The following HIVEP3 variants were observed in gnomAD, a reference collection of about 807,000 sequenced individuals.
The protein encoded by HIVEP3 is HIVEP zinc finger 3, also known as transcription factor HIVEP3.
A neutral mutation model predicts 152.8 loss-of-function variants in HIVEP3; 49 were observed. The observed-to-expected ratio is 0.32, with a 90% CI of 0.26 to 0.41. HIVEP3 has a LOEUF of 0.41. HIVEP3 is among the 10% of genes least tolerant of loss of function. HIVEP3 has a pLI of 1.00. For missense variants in HIVEP3, 2,790 were observed against 3,103.3 expected, an observed-to-expected ratio of 0.90 and a Z score of 2.40; for synonymous variants, 1,269 against 1,289.0, an observed-to-expected ratio of 0.98 and a Z score of 0.33.
chr1:41,692,257 C>A (rs1356920041), intron 2 of HIVEP3, among the ~76,000 whole-genome samples: 1 of 152,218 alleles, frequency 6.6e-6, no homozygotes, highest in Non-Finnish European at 1.5e-5. Flanking sequence ...ACGAAAAGGA[C>A]ACTATGGACA....
At chr1:41,712,739 A>G (rs2036960) in intron 1 of HIVEP3, among the ~76,000 whole-genome samples, 7,411 of 152,276 alleles carry the variant, frequency 0.049, 601 homozygotes, top group African/African-American at 0.17. Context: ...GGTCCCCTGC[A>G]TGGCCCGGCA....
chr1:41,722,429 C>CTTCCTTCCTTCCTTCCTTCCTTCCTTCA (rs1553253040), intron 1 of HIVEP3, among the ~76,000 whole-genome samples: 118 of 147,332 alleles, frequency 8.0e-4, no homozygotes, highest in Non-Finnish European at 1.3e-3. Flanking sequence ...TCCTTCCTTC[C>CTTCCTTCCTTCCTTCCTTCCTTCCTTCA]TTCCTTCCTT....
At chr1:41,921,189 G>A (rs1644940020), upstream of HIVEP3, among the ~76,000 whole-genome samples, 3 of 152,098 alleles carry the variant, frequency 2.0e-5, no homozygotes, top group Admixed American at 2.0e-4. Flanking sequence ...GAATAATATG[G>A]GAAGATACAA....
intron 6 of HIVEP3, among the ~76,000 whole-genome samples, chr1:41,522,953 G>C (rs1311110258): frequency 2.0e-5 from 3 of 152,246 alleles, no homozygotes; most frequent in African/African-American, 7.2e-5. Flanking sequence ...GGAAGGGAGG[G>C]AACTAACTGC....
rs563089851 is a variant in HIVEP3, at chr1:41,628,932, G to T, written c.-705C>A. 1.6e-6 allele frequency: 2 copies of T among 1,231,028 alleles called. No individual in the cohort carries two copies. Among genetic ancestry groups the T allele is most frequent in the African/African-American group, 3.1e-5 (2 of 64,502 alleles). The allele number at this position is 1,231,028 out of a possible 1,614,324, so 76.3% of individuals were successfully genotyped here. On this transcript the variant is annotated 5_prime_UTR_variant, in exon 3 of 9. Coordinates refer to ENST00000372583, the MANE Select transcript of HIVEP3 (RefSeq NM_024503.5). ...CCATGAACTAGGTTGAGGCTGCTGG[G>T]TTTGTGCCTCGAATCCTGCAGGAGA...
intron 1 of HIVEP3, among the ~76,000 whole-genome samples, chr1:41,925,145 C>T (rs949626686): frequency 5.3e-5 from 8 of 152,226 alleles, no homozygotes; most frequent in African/African-American, 1.4e-4. Flanking sequence ...AAAAACAAAA[C>T]AAAACAAACA....
chr1:41,999,802 T>C (rs1464049744), intron 1 of HIVEP3, among the ~76,000 whole-genome samples: 1 of 151,814 alleles, frequency 6.6e-6, no homozygotes, highest in Non-Finnish European at 1.5e-5. Flanking sequence ...ATATGAATGG[T>C]TCCATCATCA....
intron 1 of HIVEP3, among the ~76,000 whole-genome samples, chr1:41,943,535 C>T (rs1477763797): frequency 6.6e-6 from 1 of 152,204 alleles, no homozygotes; most frequent in Non-Finnish European, 1.5e-5. Context: ...CAAATATTCC[C>T]ACTTCACTTT....
chr1:41,525,452 A>C (rs1179355207), intron 5 of HIVEP3, among the ~76,000 whole-genome samples: 1 of 152,132 alleles, frequency 6.6e-6, no homozygotes, highest in Non-Finnish European at 1.5e-5. Flanking sequence ...CCATAGCCAG[A>C]AGGGGCCAGA....
rs1047715031 is a variant in HIVEP3 at position 41,575,487 on chromosome 1, T to C, written c.5207+57A>G. On this transcript the variant is annotated intron_variant, in intron 5 of 8. Coordinates refer to ENST00000372583, the MANE Select transcript of HIVEP3 (RefSeq NM_024503.5). ...AGCCACTGCTGCCCGTGAACACCAA[T>C]GGGCACCAGCTCTTATTCCACGGAA... is the stretch of plus-strand genomic sequence containing the variant. 6.3e-6 allele frequency: 10 copies of C among 1,579,554 alleles called. No individual in the cohort carries two copies. In the African/African-American group the frequency reaches 1.2e-4, roughly 19 times the overall value.
chr1:41,545,102 C>CGCT (rs1558047838), intron 5 of HIVEP3, among the ~76,000 whole-genome samples: 10 of 133,812 alleles, frequency 7.5e-5, no homozygotes, highest in Non-Finnish European at 1.5e-4. Flanking sequence ...TCGCTACCAT[C>CGCT]ACCACCACCA....
At chr1:41,605,162 A>AGAGGGGAGGG (rs563875740) in intron 3 of HIVEP3, among the ~76,000 whole-genome samples, 2 of 50,792 alleles carry the variant, frequency 3.9e-5, no homozygotes, top group African/African-American at 1.7e-4. Flanking sequence ...GGAGGGGTGG[A>AGAGGGGAGGG]GAGGGGAGGG....
At chr1:41,594,714 T>C (rs1175577830) in intron 3 of HIVEP3, among the ~76,000 whole-genome samples, 2 of 151,842 alleles carry the variant, frequency 1.3e-5, no homozygotes, top group Admixed American at 6.6e-5. Context: ...CTGTACAGAA[T>C]TTTTTTTTGT....
chr1:41,651,817 C>A (rs1423648085), intron 2 of HIVEP3, among the ~76,000 whole-genome samples: 1 of 152,182 alleles, frequency 6.6e-6, no homozygotes, highest in Non-Finnish European at 1.5e-5. Context: ...GTAACAATCT[C>A]ATTTTTAATT....
chr1:41,634,534 A>T (rs770479805), intron 2 of HIVEP3, among the ~76,000 whole-genome samples: 9 of 152,162 alleles, frequency 5.9e-5, no homozygotes, highest in Non-Finnish European at 1.2e-4. Context: ...AATAATATGA[A>T]TAAATTAAAT....
chr1:41,935,768 A>C lies in HIVEP3; in HGVS notation n.120-17244T>G, dbSNP rs574102173. On this transcript the variant is annotated intron_variant and non_coding_transcript_variant, in intron 1 of 3. Transcript: ENST00000489103. ...ATTATATATATTTTATATATATAATATATATAAAATAAACTACAACTAACT... is the reference window on the plus strand; with the variant it reads ...ATTATATATATTTTATATATATAATCTATATAAAATAAACTACAACTAACT... Among the ~76,000 whole-genome samples the C allele has an allele frequency of 5.0e-3, 732 of 147,418 alleles. 4 individuals are homozygous for C. Among genetic ancestry groups the C allele is most frequent in the South Asian group, 0.022 (104 of 4,764 alleles).
chr1:41,595,139 A>G (rs1424801731), intron 3 of HIVEP3, among the ~76,000 whole-genome samples: 1 of 152,206 alleles, frequency 6.6e-6, no homozygotes, highest in East Asian at 1.9e-4. Context: ...TCTGGCATAT[A>G]CTTTTCTACT....
chr1:41,630,644 C>G (rs527451339), intron 2 of HIVEP3, among the ~76,000 whole-genome samples: 2 of 152,154 alleles, frequency 1.3e-5, no homozygotes, highest in Non-Finnish European at 2.9e-5. Flanking sequence ...GGAACTGAGT[C>G]TTGTCAACAC....
At chr1:41,605,038 G>A (rs1376732325) in intron 3 of HIVEP3, among the ~76,000 whole-genome samples, 1 of 150,414 alleles carries the variant, frequency 6.6e-6, no homozygotes, top group East Asian at 2.0e-4. Flanking sequence ...CCAGGAGGTA[G>A]AGGCTGTAGT....
Sources: gnomAD v4.1 joint callset for allele counts (sites outside exome capture counted in the v4.1 genomes callset) on GRCh38, gnomAD v4.1.1 for gene constraint, MANE v1.5 for transcripts, NCBI Gene and HGNC (gene_info 2026-07-23, HGNC 2026-07-21) for gene names.